TENM1: variants seen among roughly 807,000 people sequenced by gnomAD.
TENM1 encodes the protein teneurin transmembrane protein 1.
In TENM1, 35 loss-of-function variants were observed where a neutral mutation model predicts 174.8. That is an observed-to-expected ratio of 0.20 (90% CI 0.15 to 0.27). TENM1 has a LOEUF of 0.27. TENM1 is among the 10% of genes least tolerant of loss of function. TENM1 has a pLI of 1.00. For synonymous variants in TENM1, 781 were observed against 798.7 expected (o/e 0.98, Z 0.37); for missense variants, 1,633 against 2,130.1 (o/e 0.77, Z 4.59).
At chrX:124,616,287 C>T (rs962310402) in intron 11 of TENM1, among the ~76,000 whole-genome samples, 4 of 112,883 alleles carry the variant, frequency 3.5e-5, no homozygotes, top group South Asian at 3.6e-4. Flanking sequence ...CTCTTTTCTG[C>T]GTTCTGAGAA....
the TENM1 span, among the ~76,000 whole-genome samples, chrX:125,029,853 G>A: frequency 2.2e-4 from 24 of 111,568 alleles, no homozygotes; most frequent in African/African-American, 5.2e-4. Context: ...CACCAGGGTA[G>A]GGCACTGATC....
intron 23 of TENM1, among the ~76,000 whole-genome samples, chrX:124,433,917 C>T (rs2060806584): frequency 9.0e-6 from 1 of 111,651 alleles, no homozygotes; most frequent in African/African-American, 3.3e-5. Flanking sequence ...CCAAAGATAT[C>T]GAATTGATGT....
At chrX:124,664,679 G>GGT (rs576286188) in intron 6 of TENM1, among the ~76,000 whole-genome samples, 5,518 of 86,857 alleles carry the variant, frequency 0.064, 163 homozygotes, top group African/African-American at 0.094. Flanking sequence ...GTACTTGTGG[G>GGT]GTGTGTGTGT....
chrX:124,683,417 G>A (rs2052284173), intron 5 of TENM1, among the ~76,000 whole-genome samples: 1 of 111,821 alleles, frequency 8.9e-6, no homozygotes, highest in Non-Finnish European at 1.9e-5. Context: ...TGAGGCCAAT[G>A]TTATAGGTTA....
At chrX:125,060,031 C>T in the TENM1 span, among the ~76,000 whole-genome samples, 1 of 109,834 alleles carries the variant, frequency 9.1e-6, no homozygotes, top group South Asian at 3.9e-4. Context: ...GATTGCCTTT[C>T]AGACGCATGC....
chrX:124,546,567 A>G (rs939577583), intron 15 of TENM1, among the ~76,000 whole-genome samples: 4 of 112,153 alleles, frequency 3.6e-5, no homozygotes, highest in East Asian at 2.8e-4. Flanking sequence ...GATTTTTTCA[A>G]TGAATCAATC....
chrX:125,204,017 CG>C, the TENM1 span: 2 of 113,592 alleles, frequency 1.8e-5, no homozygotes, highest in Non-Finnish European at 1.9e-5. Context: ...TGCTCTAAAC[CG>C]GCGGCCGCCG....
At chrX:124,570,264 C>T (rs1424197009) in intron 11 of TENM1, among the ~76,000 whole-genome samples, 1 of 110,760 alleles carries the variant, frequency 9.0e-6, no homozygotes, top group Non-Finnish European at 1.9e-5. Context: ...TGTAAATATA[C>T]CAAACTTTTA....
At chrX:124,653,642 G>C in exon 7 of TENM1, 1 of 1,210,768 alleles carries the variant, frequency 8.3e-7, no homozygotes, top group Non-Finnish European at 1.1e-6. Context: ...AGAGTCCTTG[G>C]CTAAAGAAAT....
chrX:125,030,976 A>G, the TENM1 span, among the ~76,000 whole-genome samples: 1 of 110,665 alleles, frequency 9.0e-6, no homozygotes, highest in East Asian at 2.8e-4. Flanking sequence ...TTCTACTTTT[A>G]TTTTAGATTC....
chrX:124,640,466 C>T (rs2050985877), intron 11 of TENM1, among the ~76,000 whole-genome samples: 1 of 111,946 alleles, frequency 8.9e-6, no homozygotes, highest in African/African-American at 3.2e-5. Flanking sequence ...ACATCTTTAA[C>T]AAAATTCATA....
At chrX:125,021,191 A>G in the TENM1 span, among the ~76,000 whole-genome samples, 1 of 107,973 alleles carries the variant, frequency 9.3e-6, no homozygotes, top group Admixed American at 1.0e-4. Context: ...AATCCATCCC[A>G]GGGATTACAC....
chrX:124,994,779 C>G, the TENM1 span, among the ~76,000 whole-genome samples: 1 of 111,195 alleles, frequency 9.0e-6, no homozygotes, highest in African/African-American at 3.3e-5. Flanking sequence ...ATGACTGCCA[C>G]AGTCTCATAA....
At chrX:125,147,554 C>A in the TENM1 span, among the ~76,000 whole-genome samples, 3 of 111,551 alleles carry the variant, frequency 2.7e-5, no homozygotes, top group South Asian at 1.1e-3. Context: ...AAATATACTT[C>A]TTCACTCCCA....
At chrX:124,876,262 A>C (rs1460655105) in intron 3 of TENM1, among the ~76,000 whole-genome samples, 1 of 111,777 alleles carries the variant, frequency 8.9e-6, no homozygotes, top group African/African-American at 3.2e-5. Flanking sequence ...GTTGGTTTTT[A>C]TCAAAACCCT....
intron 22 of TENM1, among the ~76,000 whole-genome samples, chrX:124,464,708 A>G (rs2147881651): frequency 8.9e-6 from 1 of 112,312 alleles, no homozygotes; most frequent in Admixed American, 9.5e-5. Context: ...CAGCATACAC[A>G]CACAGACACA....
exon 17 of TENM1, chrX:124,523,523 A>C (rs758682340): frequency 2.5e-6 from 3 of 1,211,504 alleles, no homozygotes; most frequent in Non-Finnish European, 3.4e-6. Context: ...CTACCACAAT[A>C]AACTGATTCC....
chrX:124,593,361 T>G lies in TENM1; in HGVS notation c.2078-27801A>C, dbSNP rs112936046. Among the ~76,000 whole-genome samples, 335 of 111,254 alleles carry G rather than the reference T, an allele frequency of 3.0e-3. 2 individuals carry two copies. Among genetic ancestry groups the G allele is most frequent in the African/African-American group, 0.011 (326 of 30,570 alleles). On this transcript the variant is annotated intron_variant, in intron 11 of 31. Transcript: ENST00000422452. ...GAGTAGAGAGAGCCTCACTACACCA[T>G]GATCTGTGCCCAGAAAGGGTGCAGC...
intron 3 of TENM1, among the ~76,000 whole-genome samples, chrX:124,757,898 C>T (rs1057141873): frequency 8.9e-6 from 1 of 112,090 alleles, no homozygotes; most frequent in African/African-American, 3.2e-5. Context: ...AAATGTAAGA[C>T]AAACAAACAA....
Sources: allele counts gnomAD v4.1 joint callset (sites outside exome capture counted in the v4.1 genomes callset), GRCh38; gene constraint gnomAD v4.1.1; transcripts MANE v1.5; gene names NCBI Gene and HGNC (gene_info 2026-07-23, HGNC 2026-07-21).